The following SOBP variants were observed in gnomAD, a reference collection of about 807,000 sequenced individuals.
The protein encoded by SOBP is sine oculis binding protein homolog.
SOBP carries 4 observed loss-of-function variants against 53.6 expected under a neutral mutation model. The ratio of observed to expected loss-of-function variants is 0.07; its 90% confidence interval spans 0.04 to 0.17. The LOEUF is 0.17. SOBP is among the 10% of genes least tolerant of loss of function. The pLI, the probability that SOBP is intolerant of heterozygous loss-of-function variation, is 1.00. For missense variants in SOBP, 1,088 were observed against 1,204.7 expected, an observed-to-expected ratio of 0.90 and a Z score of 1.43; for synonymous variants, 584 against 522.6, an observed-to-expected ratio of 1.12 and a Z score of -1.60.
At position 107,506,253 on chromosome 6, in the gene SOBP, C is replaced by A; in HGVS notation, c.247C>A (p.Pro83Thr). ...HISVLKENSL[P>T]KPKLPEDSVI... ...TTTTTCTTTTACAGAAAATTCTTTG[C>A]CAAAACCAAAATTACCCGAGGACAG... Residue 83 changes from proline (P) to threonine (T), a missense_variant, in exon 3 of 7, where the codon CCA (proline) becomes ACA (threonine). Pro to Thr is a conservative substitution (Grantham distance 38). This residue lies in a region of SOBP where 112 missense variants were observed against 117.9 expected (regional missense o/e 0.95). Transcript: ENST00000317357. The A allele has an allele frequency of 6.2e-7, 1 of 1,614,014 alleles. No homozygotes were observed. The highest frequency in any genetic ancestry group is 1.1e-5 in the South Asian group (1 of 91,084).
intron 4 of SOBP, among the ~76,000 whole-genome samples, chr6:107,574,801 T>A (rs1219137780): frequency 1.3e-5 from 2 of 152,180 alleles, no homozygotes; most frequent in African/African-American, 4.8e-5. Context: ...GCCGTGTTCC[T>A]CAGCCTATGA....
chr6:107,622,366 G>T (rs1350627580), intron 5 of SOBP, among the ~76,000 whole-genome samples: 3 of 152,186 alleles, frequency 2.0e-5, no homozygotes, highest in African/African-American at 7.2e-5. Context: ...CTATTAGGTG[G>T]CTAGCAGAGG....
Position 107,575,249 on chromosome 6 carries a change from A to G in SOBP, c.574-11831A>G, listed in dbSNP as rs1785191894. On this transcript the variant is annotated intron_variant, in intron 4 of 6. Transcript: ENST00000317357. ...AAGGTTTAGGAAGCTTTAATGAGCC[A>G]AAGTCTGTAAAATGCTTAGCACAGG... Among the ~76,000 whole-genome samples, 5 of 152,358 alleles carry G rather than the reference A, an allele frequency of 3.3e-5. No homozygotes were observed. The South Asian group carries it at 1.0e-3, about 32-fold the overall frequency.
chr6:107,655,315 A>G (rs1440412612), intron 6 of SOBP, among the ~76,000 whole-genome samples: 1 of 152,072 alleles, frequency 6.6e-6, no homozygotes, highest in Admixed American at 6.5e-5. Context: ...ATTTTCATCG[A>G]TTCCAGAGTC....
In SOBP at chr6:107,587,131, A is replaced by G; in HGVS notation, c.625A>G (p.Lys209Glu). 6.2e-7 allele frequency: 1 copy of G among 1,613,712 alleles called. No individual in the cohort carries two copies. The highest frequency in any genetic ancestry group is 8.5e-7 in the Non-Finnish European group (1 of 1,179,772). The change falls in exon 5 of 7, where the codon AAG becomes GAG. Residue 209 changes from lysine to glutamate, a missense_variant. Transcript: ENST00000317357. ...AENFPQQHYAKETPRLAFKNN... is the reference protein window; with the variant it reads ...AENFPQQHYAEETPRLAFKNN... ...AAATTTTCCCCAGCAGCACTATGCT[A>G]AGGAAACTCCAAGGCTTGCCTTCAA... is the stretch of plus-strand genomic sequence containing the variant.
At chr6:107,563,726 C>T (rs1273784714) in intron 4 of SOBP, among the ~76,000 whole-genome samples, 1 of 151,932 alleles carries the variant, frequency 6.6e-6, no homozygotes, top group Non-Finnish European at 1.5e-5. Context: ...CAGTGATTCT[C>T]CAGTATGTCC....
chr6:107,562,765 A>G (rs533115042), intron 4 of SOBP, among the ~76,000 whole-genome samples: 3 of 152,194 alleles, frequency 2.0e-5, no homozygotes, highest in Non-Finnish European at 4.4e-5. Context: ...AAAAGTCTCA[A>G]AAAGGAAACT....
chr6:107,635,355 G>A lies in SOBP; in HGVS notation c.2511G>A (p.Lys837=). ...VIQPVPKPAE[K]AAMAPCIISS... Reference sequence around the variant, plus strand: ...AGCCTGTGCCAAAACCCGCGGAGAAGGCTGCCATGGCACCGTGCATCATCT... The same window carrying A: ...AGCCTGTGCCAAAACCCGCGGAGAAAGCTGCCATGGCACCGTGCATCATCT... The change falls in exon 6 of 7, where the codon AAG becomes AAA. Residue 837 remains lysine (K), a synonymous_variant. Coordinates refer to ENST00000317357, the MANE Select transcript of SOBP (RefSeq NM_018013.4). The surrounding 1 kb of genome is among the most constrained non-coding windows in gnomAD (Gnocchi z 4.5). 2 of 1,613,580 alleles carry A rather than the reference G, an allele frequency of 1.2e-6. No homozygotes were observed. Among genetic ancestry groups the A allele is most frequent in the African/African-American group, 1.3e-5 (1 of 75,044 alleles).
chr6:107,560,920 A>G (rs1195995615), intron 4 of SOBP, among the ~76,000 whole-genome samples: 2 of 152,190 alleles, frequency 1.3e-5, no homozygotes, highest in African/African-American at 4.8e-5. Flanking sequence ...AGACTCAGAA[A>G]TGTGTGCTTC....
intron 3 of SOBP, chr6:107,511,347 A>G (rs1455785596): frequency 1.3e-5 from 2 of 152,170 alleles, no homozygotes. Flanking sequence ...TCAAGTCCAC[A>G]TTTTTGGGGA....
At chr6:107,586,398 CTG>C (rs1250153803) in intron 4 of SOBP, among the ~76,000 whole-genome samples, 4 of 152,314 alleles carry the variant, frequency 2.6e-5, no homozygotes, top group South Asian at 4.1e-4. Flanking sequence ...AGAAAGAAGA[CTG>C]TATGCAAGCG....
intron 3 of SOBP, among the ~76,000 whole-genome samples, chr6:107,532,234 C>CTT (rs1406231494): frequency 1.3e-4 from 9 of 70,378 alleles, no homozygotes; most frequent in Admixed American, 1.3e-4. Context: ...ATCAGTCTCT[C>CTT]TCTCTCTCAC....
At chr6:107,586,278 G>A (rs1245633989) in intron 4 of SOBP, among the ~76,000 whole-genome samples, 4 of 152,186 alleles carry the variant, frequency 2.6e-5, no homozygotes, top group African/African-American at 9.7e-5. Flanking sequence ...AGAGCAGAGC[G>A]GAGTGCAAGT....
intron 6 of SOBP, among the ~76,000 whole-genome samples, chr6:107,639,364 T>A (rs932392350): frequency 6.6e-6 from 1 of 152,224 alleles, no homozygotes; most frequent in Admixed American, 6.5e-5. Context: ...ATTATTCTGT[T>A]CCTGGTTACC....
At chr6:107,582,700 A>G (rs1197931570) in intron 4 of SOBP, among the ~76,000 whole-genome samples, 1 of 152,240 alleles carries the variant, frequency 6.6e-6, no homozygotes, top group Non-Finnish European at 1.5e-5. Context: ...ACTAGTCAGA[A>G]TAAAACTGTT....
chr6:107,564,211 T>G (rs1784852476), intron 4 of SOBP, among the ~76,000 whole-genome samples: 1 of 152,176 alleles, frequency 6.6e-6, no homozygotes, highest in African/African-American at 2.4e-5. Context: ...AGACTGAATG[T>G]AATCTGGCCC....
At chr6:107,623,141 A>AT (rs908919024) in intron 5 of SOBP, among the ~76,000 whole-genome samples, 4 of 152,132 alleles carry the variant, frequency 2.6e-5, no homozygotes, top group Non-Finnish European at 4.4e-5. Flanking sequence ...AGAAAAGCAG[A>AT]TTTTTTTGAA....
intron 4 of SOBP, among the ~76,000 whole-genome samples, chr6:107,544,540 G>A (rs1404849446): frequency 6.6e-6 from 1 of 152,208 alleles, no homozygotes; most frequent in Admixed American, 6.5e-5. Context: ...GAGTTGACTT[G>A]TCAGAAGATC....
In SOBP at chr6:107,634,515, C is replaced by T. The variant is rs755900957; in HGVS notation, c.1671C>T (p.Ser557=). 8 of 1,611,354 alleles carry T rather than the reference C, an allele frequency of 5.0e-6. No individual in the cohort carries two copies. In the South Asian group the frequency reaches 8.8e-5, roughly 18 times the overall value. The change falls in exon 6 of 7, where the codon AGC becomes AGT. Residue 557 remains serine (S), a synonymous_variant. Transcript: ENST00000317357. The surrounding 1 kb of genome is among the most constrained non-coding windows in gnomAD (Gnocchi z 4.5). ...SDSKPPNGFS[S]NGENFIPNAP... ...CCAAGCCCCCCAACGGGTTCTCCAG[C>T]AACGGGGAGAACTTCATTCCGAACG...
Sources: gnomAD v4.1 joint callset for allele counts (sites outside exome capture counted in the v4.1 genomes callset) on GRCh38, gnomAD v4.1.1 for gene constraint, gnomAD v4.1.1 regional missense constraint, Gnocchi (gnomAD v3.1) non-coding constraint, MANE v1.5 for transcripts, NCBI Gene and HGNC (gene_info 2026-07-23, HGNC 2026-07-21) for gene names.